Variants in PLEKHA7 observed in about 807,000 individuals in gnomAD.
PLEKHA7 encodes pleckstrin homology domain-containing family A member 7.
Under a neutral mutation model 170.0 loss-of-function variants are expected in PLEKHA7, and 104 were observed. The ratio of observed to expected loss-of-function variants is 0.61; its 90% CI spans 0.52 to 0.72. PLEKHA7 has a LOEUF of 0.72. Among genes scored for constraint, PLEKHA7 ranks in the 30% least tolerant of loss-of-function variants. The pLI is 0.00. For synonymous variants in PLEKHA7, 648 were observed against 660.8 expected, an observed-to-expected ratio of 0.98 and a Z score of 0.30; for missense variants, 1,615 against 1,671.7, an observed-to-expected ratio of 0.97 and a Z score of 0.59.
At chr11:16,794,873 A>G (rs1848111261) in intron 18 of PLEKHA7, 37 bp downstream of exon 18, 10 of 1,539,424 alleles carry the variant, frequency 6.5e-6, no homozygotes, top group East Asian at 2.3e-5. Context: ...CCTGCCCCCA[A>G]TCAGATCCCC....
intron 3 of PLEKHA7, among the ~76,000 whole-genome samples, chr11:16,951,975 G>A (rs1029790218): frequency 2.0e-5 from 3 of 152,172 alleles, no homozygotes; most frequent in Non-Finnish European, 4.4e-5. Flanking sequence ...GAACCTGTGA[G>A]GTATCACACA....
chr11:17,012,580 C>A (rs1371026941), intron 3 of PLEKHA7, among the ~76,000 whole-genome samples: 1 of 152,204 alleles, frequency 6.6e-6, no homozygotes, highest in Non-Finnish European at 1.5e-5. Flanking sequence ...GTAGTAACCA[C>A]GATCTGATAT....
intron 19 of PLEKHA7, 130 bp downstream of exon 19, chr11:16,794,358 C>T: frequency 1.2e-6 from 1 of 861,264 alleles, no homozygotes; most frequent in Non-Finnish European, 1.9e-6. Context: ...CTGCTTGTGA[C>T]TAAGGACTCC....
intron 3 of PLEKHA7, among the ~76,000 whole-genome samples, chr11:16,925,695 T>C (rs1250922841): frequency 2.0e-5 from 3 of 152,222 alleles, no homozygotes; most frequent in African/African-American, 7.2e-5. Context: ...CCGCGGCGCA[T>C]CGCGCGCCCT....
Position 16,790,921 on chromosome 11 carries a change from G to T in PLEKHA7, c.2935-6C>A. 1 of 1,613,652 alleles carries T rather than the reference G, an allele frequency of 6.2e-7. No homozygotes were observed. The highest frequency in any genetic ancestry group is 8.5e-7 in the Non-Finnish European group (1 of 1,179,830). On this transcript the variant is annotated splice_polypyrimidine_tract_variant and splice_region_variant and intron_variant, in intron 20 of 26. Coordinates refer to ENST00000531066, the MANE Select transcript of PLEKHA7 (RefSeq NM_001329630.2). ...ACATACGACCGCAGCTCCACCTGTG[G>T]GCAGAGTCCCAGGTGATGTGACCTG...
At chr11:16,980,818 C>T (rs1245485283) in intron 3 of PLEKHA7, among the ~76,000 whole-genome samples, 1 of 152,030 alleles carries the variant, frequency 6.6e-6, no homozygotes, top group Non-Finnish European at 1.5e-5. Context: ...ACCCGGGAGG[C>T]GGAGGTTGCA....
At chr11:16,962,970 T>C (rs575155090) in intron 3 of PLEKHA7, among the ~76,000 whole-genome samples, 2 of 152,228 alleles carry the variant, frequency 1.3e-5, no homozygotes, top group Non-Finnish European at 2.9e-5. Flanking sequence ...AGCAAATGCA[T>C]ACTTGTTCCT....
chr11:16,877,174 C>T (rs1855362211), intron 3 of PLEKHA7, among the ~76,000 whole-genome samples: 1 of 152,198 alleles, frequency 6.6e-6, no homozygotes, highest in Admixed American at 6.5e-5. Flanking sequence ...ATGTGGCTCC[C>T]AGAACACTGT....
chr11:16,887,917 C>G (rs1262485835), intron 3 of PLEKHA7, among the ~76,000 whole-genome samples: 1 of 151,998 alleles, frequency 6.6e-6, no homozygotes, highest in East Asian at 1.9e-4. Context: ...AGGAGTGCCT[C>G]TTCCCGGCTG....
intron 5 of PLEKHA7, 56 bp downstream of exon 5, chr11:16,855,747 G>A (rs560222225): frequency 2.2e-5 from 30 of 1,340,516 alleles, no homozygotes; most frequent in Non-Finnish European, 3.1e-5. Flanking sequence ...TGGTTACAAA[G>A]GGGCTTGGCA....
At chr11:16,999,058 G>A (rs1864513813) in intron 3 of PLEKHA7, among the ~76,000 whole-genome samples, 2 of 152,046 alleles carry the variant, frequency 1.3e-5, no homozygotes, top group South Asian at 4.1e-4. Flanking sequence ...ATTTGGCTGA[G>A]CACTGTCTCT....
At chr11:16,786,909 AG>A in intron 23 of PLEKHA7, 7 of 985,472 alleles carry the variant, frequency 7.1e-6, no homozygotes, top group Non-Finnish European at 7.2e-6. Context: ...AGGGCTGGGG[AG>A]GTACAAGCAA....
At chr11:17,007,301 T>C (rs548062220) in intron 3 of PLEKHA7, among the ~76,000 whole-genome samples, 1 of 152,194 alleles carries the variant, frequency 6.6e-6, no homozygotes, top group Admixed American at 6.5e-5. Context: ...TTTTTCTTTA[T>C]GTAGAATTAC....
intron 3 of PLEKHA7, among the ~76,000 whole-genome samples, chr11:16,955,892 T>C (rs753502653): frequency 2.0e-5 from 3 of 152,100 alleles, no homozygotes; most frequent in Non-Finnish European, 2.9e-5. Flanking sequence ...AGACCATACA[T>C]AGTCACTTAA....
intron 4 of PLEKHA7, among the ~76,000 whole-genome samples, chr11:16,857,178 T>C (rs149226714): frequency 3.1e-4 from 47 of 152,322 alleles, no homozygotes; most frequent in African/African-American, 1.1e-3. Flanking sequence ...CCCAATATCC[T>C]ACACCACAAG....
In PLEKHA7 at chr11:16,816,232, G is replaced by A. The variant is rs762470469; in HGVS notation, c.1899C>T (p.Pro633=). Residue 633 remains proline, a synonymous_variant, in exon 12 of 27, where the codon CCC becomes CCT. Coordinates refer to ENST00000531066, the MANE Select transcript of PLEKHA7 (RefSeq NM_001329630.2). ...CGGTGTGGGTCATGTAACCCATGGA[G>A]GGCATGGAGCGTCGGTCCACATGAG... is the stretch of plus-strand genomic sequence containing the variant. ...NSSHVDRRSM[P]SMGYMTHTVS... is the part of the protein sequence containing the mutation. The A allele has an allele frequency of 1.2e-6, 2 of 1,613,930 alleles. No individual in the cohort carries two copies.
chr11:16,794,859 C>T (rs776629606), intron 18 of PLEKHA7, 51 bp downstream of exon 18: 3 of 1,526,400 alleles, frequency 2.0e-6, no homozygotes, highest in East Asian at 4.5e-5. Context: ...CACCCTCCCA[C>T]CACCCTGCCC....
chr11:16,966,198 T>A (rs73427252), intron 3 of PLEKHA7, among the ~76,000 whole-genome samples: 8,853 of 151,664 alleles, frequency 0.058, 831 homozygotes, highest in African/African-American at 0.2. Context: ...AACAAACACA[T>A]GCACAAGACA....
intron 13 of PLEKHA7, among the ~76,000 whole-genome samples, chr11:16,808,480 C>T (rs984676526): frequency 7.2e-5 from 11 of 152,260 alleles, no homozygotes; most frequent in South Asian, 6.2e-4. Flanking sequence ...CTGAAGTATG[C>T]GGCATCCCCA....
Sources: gnomAD v4.1 joint callset for allele counts (sites outside exome capture counted in the v4.1 genomes callset) on GRCh38, gnomAD v4.1.1 for gene constraint, MANE v1.5 for transcripts, NCBI Gene and HGNC (gene_info 2026-07-23, HGNC 2026-07-21) for gene names.